Variants in PDCD6 observed in about 807,000 individuals in gnomAD.
PDCD6 encodes the protein programmed cell death 6.
In PDCD6, 12 loss-of-function variants were observed where a neutral mutation model predicts 28.3. The ratio of observed to expected loss-of-function variants is 0.42; its 90% CI spans 0.27 to 0.69. PDCD6 has a LOEUF of 0.69. PDCD6 is among the 30% of genes least tolerant of loss of function. PDCD6 has a pLI of 0.22. For synonymous variants in PDCD6, 92 were observed against 108.0 expected (o/e 0.85, Z 0.92); for missense variants, 226 against 269.9 (o/e 0.84, Z 1.14).
At chr5:277,212 G>A (rs768521944) in intron 2 of PDCD6, among the ~76,000 whole-genome samples, 14 of 151,972 alleles carry the variant, frequency 9.2e-5, no homozygotes, top group East Asian at 1.9e-4. Flanking sequence ...TACAACCTCC[G>A]CATCTGGGGT....
rs535613187 is a variant in PDCD6, at chr5:307,326, GGTGTGCTCGGCGTGT to G, written c.367+588_367+602del. 3.3e-3 allele frequency among the ~76,000 whole-genome samples: 180 copies of G among 53,902 alleles called. 16 individuals carry two copies. The highest frequency in any genetic ancestry group is 0.012 in the East Asian group (39 of 3,126). 35.4% of individuals were successfully genotyped at this position (53,902 alleles called of 152,430 possible). On this transcript the variant is annotated intron_variant, in intron 4 of 5. Coordinates refer to ENST00000264933, the MANE Select transcript of PDCD6 (RefSeq NM_013232.4). The surrounding 1 kb of genome is among the most constrained non-coding windows in gnomAD (Gnocchi z 6.1). Reference sequence around the variant, plus strand: ...TAGGCAGAACGCGTGCCCATTCTCAGGTGTGCTCGGCGTGTGTGTGCTCGGCGTGTGTGTGCACAC... The same window carrying G: ...TAGGCAGAACGCGTGCCCATTCTCAGGTGTGCTCGGCGTGTGTGTGCACAC...
rs538736423 is a variant in PDCD6, at chr5:293,301, A to G, written c.164-10876A>G. ...CCACGATACTGTCAGAGATGGAGAAAGGTATGACAGGAAGAGCAGATCAAG... is the reference window on the plus strand; with the variant it reads ...CCACGATACTGTCAGAGATGGAGAAGGGTATGACAGGAAGAGCAGATCAAG... On this transcript the variant is annotated intron_variant, in intron 2 of 5. Coordinates refer to ENST00000264933, the MANE Select transcript of PDCD6 (RefSeq NM_013232.4). Among the ~76,000 whole-genome samples, 11 of 149,336 alleles carry G rather than the reference A, an allele frequency of 7.4e-5. No individual in the cohort carries two copies. In the East Asian group the frequency reaches 2.0e-3, roughly 27 times the overall value.
intron 2 of PDCD6, among the ~76,000 whole-genome samples, chr5:285,832 AAGCTGATGTTCCAGTTTGAGGGCCCAGG>A (rs1384795408): frequency 2.4e-4 from 36 of 147,430 alleles, no homozygotes; most frequent in Non-Finnish European, 3.6e-4. Flanking sequence ...GAGGGCCCAG[AAGCTGATGTTCCAGTTTGAGGGCCCAGG>A]AGCTGATGTT....
At chr5:311,603 C>T (rs1740921356) in intron 5 of PDCD6, 2 of 554,464 alleles carry the variant, frequency 3.6e-6, no homozygotes, top group Admixed American at 3.3e-5. Flanking sequence ...GGAAATGGCA[C>T]AGAGCAGCCC....
rs1028205597 is a variant in PDCD6 at position 307,118 on chromosome 5, C to T, written c.367+358C>T. Among the ~76,000 whole-genome samples, 3 of 152,228 alleles carry T rather than the reference C, an allele frequency of 2.0e-5. No homozygotes were observed. Among genetic ancestry groups the T allele is most frequent in the South Asian group, 2.1e-4 (1 of 4,830 alleles). On this transcript the variant is annotated intron_variant, in intron 4 of 5. Coordinates refer to ENST00000264933, the MANE Select transcript of PDCD6 (RefSeq NM_013232.4). This position sits in a 1 kb window ranked among gnomAD's most constrained non-coding sequence, Gnocchi z 6.1. ...TTATATTTCATGATAGATCAAAGCA[C>T]GTTGAAAAGGCAACAGTCACCTAAG...
intron 2 of PDCD6, among the ~76,000 whole-genome samples, chr5:302,094 G>A (rs897521983): frequency 2.5e-5 from 3 of 118,440 alleles, no homozygotes; most frequent in Non-Finnish European, 5.2e-5. Flanking sequence ...GTGTGTGTGT[G>A]TGTGTGTGTG....
chr5:302,191 CTGTGTG>C (rs70955230), intron 2 of PDCD6, among the ~76,000 whole-genome samples: 1 of 87,978 alleles, frequency 1.1e-5, no homozygotes, highest in Non-Finnish European at 2.3e-5. Flanking sequence ...TGGAGTGCTG[CTGTGTG>C]TGTGTGTGTG....
chr5:292,581 A>T lies in PDCD6; in HGVS notation c.164-11596A>T, dbSNP rs143308309. On this transcript the variant is annotated intron_variant, in intron 2 of 5. Coordinates refer to ENST00000264933, the MANE Select transcript of PDCD6 (RefSeq NM_013232.4). Reference sequence around the variant, plus strand: ...GCCTGCCTTTTTCTTTTTCAAAAGGACTCTTTATACCTGTTCATTCCGGTG... The same window carrying T: ...GCCTGCCTTTTTCTTTTTCAAAAGGTCTCTTTATACCTGTTCATTCCGGTG... Among the ~76,000 whole-genome samples, 945 of 152,050 alleles carry T rather than the reference A, an allele frequency of 6.2e-3. 12 individuals are homozygous for T. Among genetic ancestry groups the T allele is most frequent in the African/African-American group, 0.022 (928 of 41,456 alleles).
At chr5:299,352 CAA>C (rs34125739) in intron 2 of PDCD6, among the ~76,000 whole-genome samples, 102,701 of 142,068 alleles carry the variant, frequency 0.72, 37,676 homozygotes, top group Non-Finnish European at 0.75. Flanking sequence ...CTGCAGCACT[CAA>C]ACCCCGTCAC....
intron 2 of PDCD6, among the ~76,000 whole-genome samples, chr5:300,552 G>C (rs1298695144): frequency 4.6e-5 from 7 of 152,378 alleles, no homozygotes; most frequent in Non-Finnish European, 8.8e-5. Flanking sequence ...GGTGACAAGT[G>C]ACTCCATGGC....
intron 2 of PDCD6, among the ~76,000 whole-genome samples, chr5:301,228 GC>G (rs1740030119): frequency 6.6e-6 from 1 of 152,192 alleles, no homozygotes; most frequent in Non-Finnish European, 1.5e-5. Flanking sequence ...AGGATTGATT[GC>G]CCAGGAGGCT....
chr5:311,626 T>C (rs1239802054), intron 5 of PDCD6: 3 of 526,636 alleles, frequency 5.7e-6, no homozygotes, highest in Non-Finnish European at 1.0e-5. Flanking sequence ...CTGCAAGACG[T>C]GGTTTTTCAG....
At chr5:289,921 A>G (rs1739215278) in intron 2 of PDCD6, 1 of 1,499,040 alleles carries the variant, frequency 6.7e-7, no homozygotes, top group Admixed American at 1.7e-5. Context: ...AGAAGGATAA[A>G]CACAGCTAAC....
intron 3 of PDCD6, chr5:306,163 TG>T (rs1199278548): frequency 5.1e-6 from 1 of 197,492 alleles, no homozygotes; most frequent in Non-Finnish European, 1.1e-5. Context: ...CTGTGGGCCC[TG>T]GAGAGTCAGA....
intron 2 of PDCD6, among the ~76,000 whole-genome samples, chr5:288,309 T>C (rs186810271): frequency 0.082 from 10,313 of 125,050 alleles, 390 homozygotes; most frequent in Admixed American, 0.15. Context: ...TATATATATA[T>C]ATACACATAT....
chr5:278,157 A>T (rs1050719981), intron 2 of PDCD6, among the ~76,000 whole-genome samples: 23 of 152,232 alleles, frequency 1.5e-4, no homozygotes, highest in Admixed American at 1.4e-3. Context: ...AGACAGGCTA[A>T]AGGTCTTTGG....
intron 2 of PDCD6, chr5:290,269 T>G: frequency 1.3e-6 from 2 of 1,487,652 alleles, no homozygotes; most frequent in Non-Finnish European, 1.9e-6. Flanking sequence ...AAACTTCCTT[T>G]TTCCCCTCTT....
At position 307,596 on chromosome 5, in the gene PDCD6, C is replaced by G. The variant is rs891674727; in HGVS notation, c.367+836C>G. ...AGGGGTTTTATTTACAGAGGAACAA[C>G]GGGCATGTTTGGGGCCAGCCTGAGG... On this transcript the variant is annotated intron_variant, in intron 4 of 5. Transcript: ENST00000264933. This position sits in a 1 kb window ranked among gnomAD's most constrained non-coding sequence, Gnocchi z 6.1. 2.0e-5 allele frequency among the ~76,000 whole-genome samples: 3 copies of G among 152,144 alleles called. No individual in the cohort carries two copies. Among genetic ancestry groups the G allele is most frequent in the Non-Finnish European group, 4.4e-5 (3 of 68,026 alleles).
At chr5:303,919 G>T in intron 2 of PDCD6, among the ~76,000 whole-genome samples, 1 of 151,490 alleles carries the variant, frequency 6.6e-6, no homozygotes, top group Non-Finnish European at 1.5e-5. Context: ...TGCATGTCCA[G>T]CCGCGATGAC....
Sources: allele counts gnomAD v4.1 joint callset (sites outside exome capture counted in the v4.1 genomes callset), GRCh38; gene constraint gnomAD v4.1.1; non-coding constraint Gnocchi (gnomAD v3.1); transcripts MANE v1.5; gene names NCBI Gene and HGNC (gene_info 2026-07-23, HGNC 2026-07-21).